RAP1GAP: variants seen among roughly 807,000 people sequenced by gnomAD.
The protein encoded by RAP1GAP is RAP1 GTPase activating protein, also known as rap1 GTPase-activating protein 1.
Under a neutral mutation model 87.2 loss-of-function variants are expected in RAP1GAP, and 35 were observed. That is an observed-to-expected ratio of 0.40 (90% CI 0.31 to 0.53). The LOEUF is 0.53. Among genes scored for constraint, RAP1GAP ranks in the 20% least tolerant of loss-of-function variants. The probability of loss-of-function intolerance (pLI) is 0.48; values close to 1 mark genes in which losing one functional copy is unlikely to be tolerated. For missense variants in RAP1GAP, 734 were observed against 898.9 expected (o/e 0.82, Z 2.35); for synonymous variants, 375 against 363.9 (o/e 1.03, Z -0.35).
chr1:21,665,170 C>T (rs1256608813), intron 1 of RAP1GAP: 2 of 465,304 alleles, frequency 4.3e-6, no homozygotes, highest in Admixed American at 2.2e-5. Flanking sequence ...ATTCCCACTT[C>T]CTAGATCAAG....
intron 2 of RAP1GAP, among the ~76,000 whole-genome samples, chr1:21,637,554 C>A (rs998090431): frequency 4.6e-5 from 7 of 152,048 alleles, no homozygotes; most frequent in African/African-American, 1.7e-4. Context: ...GTCCAGCAAC[C>A]CCATTTCTAG....
chr1:21,600,463 C>G (rs2067210755), intron 20 of RAP1GAP, among the ~76,000 whole-genome samples: 1 of 152,222 alleles, frequency 6.6e-6, no homozygotes. Flanking sequence ...GGACAGTTTC[C>G]TCACTGGCCT....
chr1:21,604,843 AGATGGATGGATGGATGGATGGATG>A, intron 18 of RAP1GAP, among the ~76,000 whole-genome samples: 1 of 121,934 alleles, frequency 8.2e-6, no homozygotes, highest in East Asian at 2.5e-4. Context: ...GGATGGATAG[AGATGGATGGATGGATGGATGGATG>A]GATGGATGGA....
At chr1:21,600,208 G>A (rs983399566) in intron 20 of RAP1GAP, among the ~76,000 whole-genome samples, 11 of 152,096 alleles carry the variant, frequency 7.2e-5, no homozygotes, top group East Asian at 1.9e-4. Flanking sequence ...CTCAAATCCC[G>A]AAAAGCAAAT....
intron 1 of RAP1GAP, among the ~76,000 whole-genome samples, chr1:21,654,063 T>C (rs1247246563): frequency 2.7e-5 from 3 of 109,200 alleles, no homozygotes; most frequent in African/African-American, 3.6e-5. Context: ...TCTGACCAGC[T>C]GCAGCTGCCT....
intron 2 of RAP1GAP, among the ~76,000 whole-genome samples, chr1:21,627,417 T>TTC (rs1265651056): frequency 6.7e-6 from 1 of 149,980 alleles, no homozygotes; most frequent in African/African-American, 2.4e-5. Flanking sequence ...TTCTTTTTTT[T>TTC]TTTTTTTTTT....
chr1:21,620,718 C>A (rs1229916942), intron 3 of RAP1GAP, among the ~76,000 whole-genome samples: 2 of 152,174 alleles, frequency 1.3e-5, no homozygotes, highest in Non-Finnish European at 2.9e-5. Flanking sequence ...TGCCGGCTGG[C>A]CCGGCTCGGG....
intron 2 of RAP1GAP, among the ~76,000 whole-genome samples, chr1:21,637,372 C>T (rs772084381): frequency 2.0e-5 from 3 of 151,150 alleles, no homozygotes; most frequent in Non-Finnish European, 4.4e-5. Flanking sequence ...CCAAGCTGGT[C>T]TGAACTCCTG....
In RAP1GAP at chr1:21,668,852, G is replaced by A. The variant is rs888380127; in HGVS notation, c.-149+402C>T. ...ACCCTCTGGGGGGCGCTAGGGCTTGGGCCCCTCCCCAGGGATGGAGGAAAC... is the reference window on the plus strand; with the variant it reads ...ACCCTCTGGGGGGCGCTAGGGCTTGAGCCCCTCCCCAGGGATGGAGGAAAC... On this transcript the variant is annotated intron_variant, in intron 1 of 24. Coordinates refer to ENST00000374765, the MANE Select transcript of RAP1GAP (RefSeq NM_002885.4). This position sits in a 1 kb window ranked among gnomAD's most constrained non-coding sequence, Gnocchi z 6.2. Among the ~76,000 whole-genome samples, 1 of 151,626 alleles carries A rather than the reference G, an allele frequency of 6.6e-6. No individual in the cohort carries two copies. Among genetic ancestry groups the A allele is most frequent in the Admixed American group, 6.5e-5 (1 of 15,276 alleles).
intron 1 of RAP1GAP, among the ~76,000 whole-genome samples, chr1:21,660,222 C>T (rs938273074): frequency 2.0e-5 from 3 of 150,350 alleles, no homozygotes; most frequent in African/African-American, 4.9e-5. Context: ...GCCCTGCCTT[C>T]CAGGAACCAG....
chr1:21,614,343 T>A (rs1570699437), intron 7 of RAP1GAP, among the ~76,000 whole-genome samples: 2 of 152,194 alleles, frequency 1.3e-5, no homozygotes, highest in Admixed American at 1.3e-4. Flanking sequence ...GAGGGAACCC[T>A]GTACTTTGGT....
At chr1:21,626,657 A>T (rs1202321578) in intron 2 of RAP1GAP, among the ~76,000 whole-genome samples, 1 of 152,054 alleles carries the variant, frequency 6.6e-6, no homozygotes, top group African/African-American at 2.4e-5. Context: ...GCAGTGACCT[A>T]CTCTGAAGAT....
intron 7 of RAP1GAP, among the ~76,000 whole-genome samples, chr1:21,614,977 G>C (rs915961511): frequency 2.2e-4 from 34 of 152,360 alleles, no homozygotes; most frequent in Middle Eastern, 3.4e-3. Flanking sequence ...CAGTGAATGT[G>C]CCCCACGAAT....
At chr1:21,598,568 C>G (rs1646652894) in intron 21 of RAP1GAP, 66 bp from the exon 22 acceptor site, 13 of 1,307,536 alleles carry the variant, frequency 9.9e-6, no homozygotes, top group African/African-American at 1.5e-5. Context: ...AGGGCTCCCT[C>G]CCAGCCCCTC....
At chr1:21,651,162 C>T (rs1223801301) in intron 1 of RAP1GAP, among the ~76,000 whole-genome samples, 1 of 152,232 alleles carries the variant, frequency 6.6e-6, no homozygotes, top group Non-Finnish European at 1.5e-5. Flanking sequence ...GCCACTCTGA[C>T]CTCCTCCAGG....
At chr1:21,645,909 C>T (rs1013980452) in intron 2 of RAP1GAP, among the ~76,000 whole-genome samples, 5 of 152,198 alleles carry the variant, frequency 3.3e-5, no homozygotes, top group Non-Finnish European at 7.3e-5. Flanking sequence ...GGCCACCCAC[C>T]CCAGCCCACC....
chr1:21,620,105 A>G lies in RAP1GAP; in HGVS notation c.-18-55T>C, dbSNP rs1030351625. 6.9e-6 allele frequency: 11 copies of G among 1,604,124 alleles called. No homozygotes were observed. The South Asian group carries it at 1.2e-4, about 18-fold the overall frequency. ...AGCTGATCCCGCCAAGCCCCAGAGGAGTCTCCACCCGCCCCGGCCCTCCGG... is the reference window on the plus strand; with the variant it reads ...AGCTGATCCCGCCAAGCCCCAGAGGGGTCTCCACCCGCCCCGGCCCTCCGG... On this transcript the variant is annotated intron_variant, in intron 3 of 24. Transcript: ENST00000374765.
chr1:21,608,713 C>T (rs2149207703), intron 16 of RAP1GAP, 137 bp downstream of exon 16: 1 of 845,630 alleles, frequency 1.2e-6, no homozygotes, highest in East Asian at 2.5e-5. Context: ...TCCTACTCGT[C>T]CATCAATCCA....
At chr1:21,646,490 A>C (rs535459865) in intron 2 of RAP1GAP, among the ~76,000 whole-genome samples, 2 of 152,348 alleles carry the variant, frequency 1.3e-5, no homozygotes, top group African/African-American at 4.8e-5. Flanking sequence ...TGGCAACAAC[A>C]GGCCAAATTG....
Sources: allele counts gnomAD v4.1 joint callset (sites outside exome capture counted in the v4.1 genomes callset), GRCh38; gene constraint gnomAD v4.1.1; non-coding constraint Gnocchi (gnomAD v3.1); transcripts MANE v1.5; gene names NCBI Gene and HGNC (gene_info 2026-07-23, HGNC 2026-07-21).